RBBP8: variants seen among roughly 807,000 people sequenced by gnomAD.
The protein encoded by RBBP8 is DNA endonuclease RBBP8.
RBBP8 carries 88 observed loss-of-function variants against 108.3 expected under a neutral mutation model. The ratio of observed to expected loss-of-function variants is 0.81; its 90% confidence interval spans 0.68 to 0.97. The LOEUF (loss-of-function observed/expected upper bound fraction) is 0.97, where lower values mean the gene tolerates loss of function less well. RBBP8 is among the 50% of genes least tolerant of loss of function. RBBP8 has a pLI of 0.00. For synonymous variants in RBBP8, 332 were observed against 348.2 expected, an observed-to-expected ratio of 0.95 and a Z score of 0.52; for missense variants, 1,023 against 1,049.0, an observed-to-expected ratio of 0.98 and a Z score of 0.34.
chr18:23,024,667 T>C (rs967992958), intron 18 of RBBP8: 19 of 152,216 alleles, frequency 1.2e-4, no homozygotes, highest in Non-Finnish European at 2.4e-4. Context: ...TTTTACTCTT[T>C]CCCTTCATTC....
At position 23,004,372 on chromosome 18, in the gene RBBP8, T is replaced by C. The variant is rs539288486; in HGVS notation, c.2288-1991T>C. Among the ~76,000 whole-genome samples, 14 of 152,208 alleles carry C rather than the reference T, an allele frequency of 9.2e-5. No individual in the cohort carries two copies. In the South Asian group the frequency reaches 2.9e-3, roughly 32 times the overall value. On this transcript the variant is annotated intron_variant, in intron 15 of 18. Coordinates refer to ENST00000327155, the MANE Select transcript of RBBP8 (RefSeq NM_002894.3). The stretch of plus-strand genomic sequence containing the variant: ...ATTCTGTCATTTGTGCAAACATCGA[T>C]GAGCTTGGAGAACATCATATTAAGT...
chr18:22,945,597 G>C (rs753037243), intron 2 of RBBP8, among the ~76,000 whole-genome samples: 15 of 151,958 alleles, frequency 9.9e-5, no homozygotes, highest in Non-Finnish European at 1.9e-4. Context: ...TGATCGGGCT[G>C]GTCTCGGAAC....
intron 7 of RBBP8, 121 bp from the exon 8 acceptor site, chr18:22,984,764 TA>T: frequency 1.7e-6 from 1 of 578,488 alleles, no homozygotes; most frequent in Non-Finnish European, 3.0e-6. Context: ...AAACAGTACT[TA>T]TATTGGATTT....
At chr18:22,933,698 A>G (rs1361526713) in intron 1 of RBBP8, 134 bp downstream of exon 1, 4 of 152,790 alleles carry the variant, frequency 2.6e-5, no homozygotes, top group African/African-American at 7.2e-5. Context: ...GTCTGATGAA[A>G]TAGGCCGGGC....
intron 1 of RBBP8, 99 bp downstream of exon 1, chr18:22,933,663 G>A (rs915422297): frequency 3.3e-5 from 5 of 153,182 alleles, no homozygotes; most frequent in Non-Finnish European, 7.3e-5. Flanking sequence ...CCCGGGGTAG[G>A]GGTGGCTCCC....
intron 5 of RBBP8, among the ~76,000 whole-genome samples, chr18:22,969,718 C>T (rs949268309): frequency 1.3e-5 from 2 of 152,076 alleles, no homozygotes; most frequent in Non-Finnish European, 2.9e-5. Context: ...GTTTTTCTGT[C>T]TCTGTGCCTT....
At chr18:22,939,090 T>A (rs1910832494) in intron 2 of RBBP8, among the ~76,000 whole-genome samples, 4 of 152,242 alleles carry the variant, frequency 2.6e-5, no homozygotes, top group Admixed American at 2.6e-4. Flanking sequence ...ATTACATTTG[T>A]TTCTTGATTA....
At chr18:22,938,567 C>T (rs184194325) in intron 2 of RBBP8, among the ~76,000 whole-genome samples, 1 of 152,142 alleles carries the variant, frequency 6.6e-6, no homozygotes, top group East Asian at 1.9e-4. Context: ...AACCACAGAA[C>T]ATAGTTTGTA....
At chr18:22,966,545 C>T (rs1255117297) in intron 4 of RBBP8, among the ~76,000 whole-genome samples, 1 of 148,206 alleles carries the variant, frequency 6.7e-6, no homozygotes, top group East Asian at 2.0e-4. Flanking sequence ...TTGAGACCAG[C>T]CTGGGCAACA....
chr18:23,011,972 A>C (rs1318460935), intron 16 of RBBP8, among the ~76,000 whole-genome samples: 1 of 151,994 alleles, frequency 6.6e-6, no homozygotes, highest in African/African-American at 2.4e-5. Flanking sequence ...TAATTCCAGA[A>C]CTTTGGGAGG....
intron 17 of RBBP8, among the ~76,000 whole-genome samples, chr18:23,017,467 C>A (rs2046278533): frequency 6.6e-6 from 1 of 151,456 alleles, no homozygotes; most frequent in African/African-American, 2.4e-5. Context: ...TCCTGGCTAA[C>A]ATGGTGAAAC....
At chr18:22,963,469 C>CA (rs1913293458) in intron 4 of RBBP8, among the ~76,000 whole-genome samples, 1 of 152,138 alleles carries the variant, frequency 6.6e-6, no homozygotes, top group South Asian at 2.1e-4. Flanking sequence ...ACTAGTTCAA[C>CA]CACAACGTTC....
At chr18:22,979,131 G>A (rs573574095) in intron 6 of RBBP8, among the ~76,000 whole-genome samples, 5 of 152,104 alleles carry the variant, frequency 3.3e-5, no homozygotes, top group Non-Finnish European at 7.4e-5. Flanking sequence ...GCCAGGTATG[G>A]TTGCACGCGC....
intron 3 of RBBP8, among the ~76,000 whole-genome samples, chr18:22,923,959 T>C (rs118005254): frequency 1.2e-3 from 183 of 152,224 alleles, no homozygotes; most frequent in Non-Finnish European, 1.6e-3. Context: ...AGAAATAAAT[T>C]AGCCTAAAAA....
intron 2 of RBBP8, among the ~76,000 whole-genome samples, chr18:22,939,952 A>G (rs577086320): frequency 1.1e-3 from 165 of 152,336 alleles, no homozygotes; most frequent in Admixed American, 1.9e-3. Flanking sequence ...AGAGAATAGC[A>G]CATGCAAAAG....
At chr18:22,964,605 C>A (rs75320815) in intron 4 of RBBP8, among the ~76,000 whole-genome samples, 7,379 of 150,346 alleles carry the variant, frequency 0.049, 355 homozygotes, top group African/African-American at 0.12. Flanking sequence ...ATTTGTAGTT[C>A]TTTCTTAATA....
intron 7 of RBBP8, among the ~76,000 whole-genome samples, chr18:22,983,160 G>A (rs893721078): frequency 6.6e-6 from 1 of 152,032 alleles, no homozygotes; most frequent in African/African-American, 2.4e-5. Context: ...TTTGTTATGT[G>A]CCATGATACA....
At chr18:22,921,477 G>A (rs754876081) in intron 3 of RBBP8, among the ~76,000 whole-genome samples, 7 of 152,216 alleles carry the variant, frequency 4.6e-5, no homozygotes, top group African/African-American at 1.4e-4. Flanking sequence ...GTGAGGGACT[G>A]TAAAGTTTCA....
At chr18:23,013,520 T>G (rs1353408743) in intron 16 of RBBP8, among the ~76,000 whole-genome samples, 1 of 152,220 alleles carries the variant, frequency 6.6e-6, no homozygotes, top group African/African-American at 2.4e-5. Context: ...ATCATTTGTA[T>G]GTAGGAGCAA....
Sources: allele counts gnomAD v4.1 joint callset (sites outside exome capture counted in the v4.1 genomes callset), GRCh38; gene constraint gnomAD v4.1.1; transcripts MANE v1.5; gene names NCBI Gene and HGNC (gene_info 2026-07-23, HGNC 2026-07-21).